The following ACTN1 variants were observed in gnomAD, a reference collection of about 807,000 sequenced individuals.
ACTN1 encodes alpha-actinin-1.
In ACTN1, 30 loss-of-function variants were observed where a neutral mutation model predicts 119.6. The observed-to-expected ratio is 0.25, with a 90% CI of 0.19 to 0.34. The LOEUF is 0.34. Ranked by LOEUF, ACTN1 falls within the 10% of genes least tolerant of loss-of-function variation. ACTN1 has a pLI of 1.00. For missense variants in ACTN1, 764 were observed against 1,223.4 expected (o/e 0.62, Z 5.60); for synonymous variants, 429 against 472.6 (o/e 0.91, Z 1.20).
At chr14:68,935,862 C>T (rs2035476798) in intron 1 of ACTN1, among the ~76,000 whole-genome samples, 2 of 148,102 alleles carry the variant, frequency 1.4e-5, no homozygotes, top group South Asian at 6.9e-4. Context: ...GTGGGACAGC[C>T]CAGGCTCCAA....
In ACTN1 at chr14:68,909,976, T is replaced by G. The variant is rs2033907858; in HGVS notation, c.494A>C (p.Asn165Thr). The G allele has an allele frequency of 6.2e-7, 1 of 1,613,958 alleles. No homozygotes were observed. The highest frequency in any genetic ancestry group is 1.3e-5 in the African/African-American group (1 of 74,918). ...QRKTAPYKNV[N>T]IQNFHISWKD... is the part of the protein sequence containing the mutation. Reference sequence around the variant, plus strand: ...TCACCTTATGTGGAAGTTCTGGATGTTGACATTTTTGTAAGGGGCTGTCTT... The same window carrying G: ...TCACCTTATGTGGAAGTTCTGGATGGTGACATTTTTGTAAGGGGCTGTCTT... The change falls in exon 5 of 22, where the codon AAC becomes ACC. Residue 165 changes from asparagine (N) to threonine (T), a missense_variant. This residue lies in a region of ACTN1 where 54 missense variants were observed against 153.2 expected (regional missense o/e 0.35). Transcript: ENST00000394419. The surrounding 1 kb of genome is among the most constrained non-coding windows in gnomAD (Gnocchi z 4.1).
chr14:68,923,972 T>A (rs1373945337), intron 2 of ACTN1, among the ~76,000 whole-genome samples: 3 of 152,162 alleles, frequency 2.0e-5, no homozygotes, highest in African/African-American at 7.2e-5. Flanking sequence ...TGCTCCAACA[T>A]GGATGAACCG....
At chr14:68,912,530 C>A (rs894152434) in intron 3 of ACTN1, among the ~76,000 whole-genome samples, 4 of 152,132 alleles carry the variant, frequency 2.6e-5, no homozygotes, top group African/African-American at 9.7e-5. Flanking sequence ...AGATAGGCCA[C>A]CACACCCGGC....
At chr14:68,919,906 A>C (rs977004688) in intron 3 of ACTN1, among the ~76,000 whole-genome samples, 55 of 152,182 alleles carry the variant, frequency 3.6e-4, no homozygotes, top group Admixed American at 3.5e-3. Context: ...CATGCACTGC[A>C]GTTTGCTGAG....
rs1298749249 is a variant in ACTN1, at chr14:68,882,666, G to A, written c.1819-74C>T. 4.7e-5 allele frequency: 75 copies of A among 1,594,420 alleles called. No homozygotes were observed. Among genetic ancestry groups the A allele is most frequent in the Non-Finnish European group, 6.3e-5 (74 of 1,167,178 alleles). On this transcript the variant is annotated intron_variant, in intron 15 of 21. Coordinates refer to ENST00000394419, the MANE Select transcript of ACTN1 (RefSeq NM_001130004.2). This position sits in a 1 kb window ranked among gnomAD's most constrained non-coding sequence, Gnocchi z 4.5. ...CCATGTGCCAGATGAGGAAATGGAG[G>A]ACCCAGAAGGGGAAGGGCCGGTCAG...
chr14:68,887,220 A>G (rs2032093086), intron 11 of ACTN1: 1 of 260,246 alleles, frequency 3.8e-6, no homozygotes, highest in Non-Finnish European at 7.5e-6. Context: ...TCACAACTGA[A>G]TAGCACGTAC....
chr14:68,925,430 A>G lies in ACTN1; in HGVS notation c.220+128T>C. The G allele has an allele frequency of 1.7e-6, 1 of 576,922 alleles. No homozygotes were observed. The highest frequency in any genetic ancestry group is 2.9e-6 in the Non-Finnish European group (1 of 348,316). The allele number at this position is 576,922 out of a possible 1,614,324, so 35.7% of individuals were successfully genotyped here. ...ACTCAGACCCACGCTCCTAGGATGAATTCATACATGTCATCCCCAACTTGT... is the reference window on the plus strand; with the variant it reads ...ACTCAGACCCACGCTCCTAGGATGAGTTCATACATGTCATCCCCAACTTGT... On this transcript the variant is annotated intron_variant, in intron 2 of 21. Transcript: ENST00000394419. This position sits in a 1 kb window ranked among gnomAD's most constrained non-coding sequence, Gnocchi z 4.3.
At chr14:68,894,891 C>T (rs2032761979) in intron 8 of ACTN1, among the ~76,000 whole-genome samples, 1 of 152,162 alleles carries the variant, frequency 6.6e-6, no homozygotes, top group African/African-American at 2.4e-5. Context: ...TAAGGAAGAG[C>T]TTCCTGAGAA....
intron 1 of ACTN1, among the ~76,000 whole-genome samples, chr14:68,932,106 T>G (rs2035247409): frequency 6.6e-6 from 1 of 151,972 alleles, no homozygotes; most frequent in Non-Finnish European, 1.5e-5. Flanking sequence ...GGATGCAAAG[T>G]ATTATTCCTG....
At chr14:68,890,781 C>T (rs547393409) in intron 10 of ACTN1, among the ~76,000 whole-genome samples, 81 of 152,304 alleles carry the variant, frequency 5.3e-4, no homozygotes, top group Non-Finnish European at 7.1e-4. Context: ...ACAGAGACCC[C>T]GGCCTGGGTG....
chr14:68,953,748 G>C (rs896976953), intron 1 of ACTN1, among the ~76,000 whole-genome samples: 1 of 151,776 alleles, frequency 6.6e-6, no homozygotes, highest in Non-Finnish European at 1.5e-5. Flanking sequence ...TTAGCTAGGC[G>C]TGGTGGCATG....
intron 1 of ACTN1, among the ~76,000 whole-genome samples, chr14:68,926,500 T>C (rs2034934069): frequency 6.6e-6 from 1 of 152,196 alleles, no homozygotes. Flanking sequence ...CAGGTGTCTC[T>C]CTCCAGCTGT....
chr14:68,874,445 T>G lies in ACTN1; in HGVS notation c.*414A>C. ...CCCGACTCCCACACCAAAATGGACA[T>G]GAGATTGGAGAAATGAATACAGCAG... On this transcript the variant is annotated 3_prime_UTR_variant, in exon 22 of 22. Coordinates refer to ENST00000394419, the MANE Select transcript of ACTN1 (RefSeq NM_001130004.2). 1.3e-5 allele frequency: 2 copies of G among 155,452 alleles called. No individual in the cohort carries two copies. Among genetic ancestry groups the G allele is most frequent in the African/African-American group, 2.4e-5 (1 of 41,482 alleles). 9.6% of individuals were successfully genotyped at this position (155,452 alleles called of 1,614,324 possible).
chr14:68,939,792 C>G (rs1391917707), intron 1 of ACTN1, among the ~76,000 whole-genome samples: 1 of 152,216 alleles, frequency 6.6e-6, no homozygotes, highest in Admixed American at 6.5e-5. Context: ...TGAATGACAT[C>G]TCAATAAAGC....
At chr14:68,884,992 G>T in intron 12 of ACTN1, 109 bp from the exon 13 acceptor site, 1 of 888,262 alleles carries the variant, frequency 1.1e-6, no homozygotes, top group Non-Finnish European at 1.8e-6. Flanking sequence ...GGAAGAGCCA[G>T]GGGCGCTCCC....
intron 1 of ACTN1, among the ~76,000 whole-genome samples, chr14:68,929,183 T>C (rs911318941): frequency 2.0e-5 from 3 of 152,172 alleles, no homozygotes; most frequent in Non-Finnish European, 4.4e-5. Context: ...AGAGGAGGTC[T>C]GACAGCTGAA....
At chr14:68,923,991 C>T (rs1156849269) in intron 2 of ACTN1, among the ~76,000 whole-genome samples, 2 of 152,198 alleles carry the variant, frequency 1.3e-5, no homozygotes, top group Admixed American at 6.5e-5. Flanking sequence ...CGTGAAGACA[C>T]AGTAAGTGAA....
At chr14:68,923,418 C>T (rs996333308) in intron 2 of ACTN1, among the ~76,000 whole-genome samples, 2 of 152,042 alleles carry the variant, frequency 1.3e-5, no homozygotes, top group Admixed American at 1.3e-4. Context: ...TTGAAGGACA[C>T]CCTCAAGCTG....
intron 21 of ACTN1, 95 bp from the exon 22 acceptor site, chr14:68,875,112 G>C: frequency 1.9e-6 from 3 of 1,566,088 alleles, no homozygotes; most frequent in Middle Eastern, 1.7e-4. Flanking sequence ...CGTGAAGGCA[G>C]CATGTGCCGT....
Sources: gnomAD v4.1 joint callset for allele counts (sites outside exome capture counted in the v4.1 genomes callset) on GRCh38, gnomAD v4.1.1 for gene constraint, gnomAD v4.1.1 regional missense constraint, Gnocchi (gnomAD v3.1) non-coding constraint, MANE v1.5 for transcripts, NCBI Gene and HGNC (gene_info 2026-07-23, HGNC 2026-07-21) for gene names.